The following FGGY variants were observed in gnomAD, a reference collection of about 807,000 sequenced individuals.
FGGY encodes FGGY carbohydrate kinase domain-containing protein.
A neutral mutation model predicts 71.3 loss-of-function variants in FGGY; 72 were observed. The ratio of observed to expected loss-of-function variants is 1.01; its 90% CI spans 0.84 to 1.23. The LOEUF (loss-of-function observed/expected upper bound fraction) is 1.23, where lower values mean the gene tolerates loss of function less well. FGGY is among the 50% of genes most tolerant of loss of function. The pLI, the probability that FGGY is intolerant of heterozygous loss-of-function variation, is 0.00. For synonymous variants in FGGY, 251 were observed against 250.3 expected (o/e 1.00, Z -0.02); for missense variants, 668 against 682.3 (o/e 0.98, Z 0.23).
intron 5 of FGGY, among the ~76,000 whole-genome samples, chr1:59,404,889 C>T (rs561202291): frequency 5.3e-5 from 8 of 152,246 alleles, no homozygotes; most frequent in South Asian, 2.1e-4. Context: ...CACGTACTGC[C>T]GCTGAGCTCA....
chr1:59,627,454 T>TTATATATA (rs60500862), intron 10 of FGGY, among the ~76,000 whole-genome samples: 1,454 of 96,986 alleles, frequency 0.015, 16 homozygotes, highest in Admixed American at 0.051. Context: ...ACTTATGATT[T>TTATATATA]TATATATATA....
At chr1:59,407,575 A>G (rs767835379) in intron 5 of FGGY, among the ~76,000 whole-genome samples, 1 of 152,054 alleles carries the variant, frequency 6.6e-6, no homozygotes, top group Non-Finnish European at 1.5e-5. Flanking sequence ...AAATATTCTG[A>G]TAGTTATCCT....
At chr1:59,386,247 C>T (rs543262950) in intron 5 of FGGY, among the ~76,000 whole-genome samples, 1 of 152,162 alleles carries the variant, frequency 6.6e-6, no homozygotes, top group East Asian at 1.9e-4. Flanking sequence ...CCTTCTCAGG[C>T]TCTTCTTGGC....
At chr1:59,499,317 A>C (rs1341401214) in intron 6 of FGGY, among the ~76,000 whole-genome samples, 2 of 48,106 alleles carry the variant, frequency 4.2e-5, no homozygotes, top group Admixed American at 4.4e-4. Flanking sequence ...TTTTTTTTTG[A>C]TCTGGTAACT....
intron 11 of FGGY, among the ~76,000 whole-genome samples, chr1:59,639,519 T>C (rs2096997598): frequency 6.6e-6 from 1 of 152,176 alleles, no homozygotes; most frequent in Non-Finnish European, 1.5e-5. Flanking sequence ...GAGAGGGCCA[T>C]GTGGCAACAG....
intron 2 of FGGY, among the ~76,000 whole-genome samples, chr1:59,338,785 C>T (rs978548460): frequency 4.6e-5 from 7 of 151,990 alleles, no homozygotes; most frequent in Admixed American, 3.9e-4. Flanking sequence ...AGCTAACCTT[C>T]TTCTATATAT....
At chr1:59,496,721 TA>T (rs1335294350) in intron 6 of FGGY, among the ~76,000 whole-genome samples, 5 of 151,988 alleles carry the variant, frequency 3.3e-5, no homozygotes, top group African/African-American at 1.2e-4. Context: ...AATAAATAAA[TA>T]AAATGTGGTT....
At chr1:59,668,301 G>A (rs2097343617) in intron 13 of FGGY, among the ~76,000 whole-genome samples, 2 of 152,228 alleles carry the variant, frequency 1.3e-5, no homozygotes, top group South Asian at 2.1e-4. Flanking sequence ...CTGGGGACTG[G>A]AGACCCATTC....
intron 5 of FGGY, among the ~76,000 whole-genome samples, chr1:59,379,891 C>T (rs531562197): frequency 6.6e-6 from 1 of 151,962 alleles, no homozygotes; most frequent in South Asian, 2.1e-4. Flanking sequence ...TGTTGGTGTG[C>T]TGCACCCATT....
At chr1:59,731,964 A>G (rs772724129) in intron 14 of FGGY, among the ~76,000 whole-genome samples, 7 of 152,166 alleles carry the variant, frequency 4.6e-5, no homozygotes, top group African/African-American at 7.2e-5. Context: ...CTGCTCTCTC[A>G]TTAGCTGTGT....
At chr1:59,501,732 T>C (rs1295902959) in intron 6 of FGGY, among the ~76,000 whole-genome samples, 1 of 152,218 alleles carries the variant, frequency 6.6e-6, no homozygotes, top group Non-Finnish European at 1.5e-5. Context: ...GACATGACCA[T>C]AGGGAGAAAC....
In FGGY at chr1:59,492,810, C is replaced by A. The variant is rs115851589; in HGVS notation, c.671-19501C>A. ...CAGCCAGTTTTACTATTTTCAGTCC[C>A]TCTTTACTCTCACTTCTAGAGATAT... On this transcript the variant is annotated intron_variant, in intron 6 of 15. Coordinates refer to ENST00000303721, the MANE Select transcript of FGGY (RefSeq NM_018291.5). Among the ~76,000 whole-genome samples, 4 of 151,594 alleles carry A rather than the reference C, an allele frequency of 2.6e-5. No homozygotes were observed. The South Asian group carries it at 8.3e-4, about 31-fold the overall frequency.
intron 7 of FGGY, among the ~76,000 whole-genome samples, chr1:59,516,537 A>G (rs2094657187): frequency 6.6e-6 from 1 of 152,238 alleles, no homozygotes; most frequent in Admixed American, 6.5e-5. Context: ...GTTTCTGCCT[A>G]CAAATATGGT....
chr1:59,652,244 T>C (rs964645301), intron 11 of FGGY, among the ~76,000 whole-genome samples: 5 of 147,504 alleles, frequency 3.4e-5, no homozygotes, highest in African/African-American at 1.3e-4. Flanking sequence ...GAGTTGCTCT[T>C]CTCGAGGAGT....
At chr1:59,344,902 GT>G (rs1163402073) in intron 3 of FGGY, among the ~76,000 whole-genome samples, 1 of 152,194 alleles carries the variant, frequency 6.6e-6, no homozygotes, top group Non-Finnish European at 1.5e-5. Context: ...GGCTGACTCT[GT>G]GTTTTAAAGT....
Position 59,762,589 on chromosome 1 carries a change from G to A in FGGY, c.*5G>A, listed in dbSNP as rs756574624. ...GCGATCATGAATGATGACTGAACAG[G>A]GCTTGCAGGTGCTGATGCCAGAAGC... On this transcript the variant is annotated 3_prime_UTR_variant, in exon 16 of 16. Transcript: ENST00000303721. 4 of 1,612,364 alleles carry A rather than the reference G, an allele frequency of 2.5e-6. No individual in the cohort carries two copies. In the Admixed American group the frequency reaches 5.0e-5, roughly 20 times the overall value.
At chr1:59,485,199 C>T (rs556433946) in intron 6 of FGGY, among the ~76,000 whole-genome samples, 7 of 152,106 alleles carry the variant, frequency 4.6e-5, no homozygotes, top group African/African-American at 1.7e-4. Context: ...GAATGCCCAT[C>T]TAATCTACAC....
At chr1:59,749,754 C>A (rs986794028) in intron 14 of FGGY, among the ~76,000 whole-genome samples, 1 of 152,180 alleles carries the variant, frequency 6.6e-6, no homozygotes, top group African/African-American at 2.4e-5. Context: ...TCAAATAACT[C>A]ACGTGCTTCT....
intron 14 of FGGY, among the ~76,000 whole-genome samples, chr1:59,749,996 G>A (rs557831616): frequency 1.3e-5 from 2 of 152,330 alleles, no homozygotes; most frequent in African/African-American, 2.4e-5. Flanking sequence ...AACCAAAGTG[G>A]AAGTCAAGAG....
Sources: allele counts gnomAD v4.1 joint callset (sites outside exome capture counted in the v4.1 genomes callset), GRCh38; gene constraint gnomAD v4.1.1; transcripts MANE v1.5; gene names NCBI Gene and HGNC (gene_info 2026-07-23, HGNC 2026-07-21).